GRAMD1C: variants seen among roughly 807,000 people sequenced by gnomAD.
GRAMD1C encodes GRAM domain containing 1C.
A neutral mutation model predicts 97.8 loss-of-function variants in GRAMD1C; 89 were observed. The ratio of observed to expected loss-of-function variants is 0.91; its 90% confidence interval spans 0.77 to 1.09. GRAMD1C has a LOEUF of 1.09. GRAMD1C is among the 50% of genes least tolerant of loss of function. The probability of loss-of-function intolerance (pLI) is 0.00; values close to 1 mark genes in which losing one functional copy is unlikely to be tolerated. For synonymous variants in GRAMD1C, 256 were observed against 267.0 expected, an observed-to-expected ratio of 0.96 and a Z score of 0.40; for missense variants, 740 against 766.4, an observed-to-expected ratio of 0.97 and a Z score of 0.41.
At chr3:113,879,033 C>T (rs578027057) in intron 5 of GRAMD1C, among the ~76,000 whole-genome samples, 3 of 152,074 alleles carry the variant, frequency 2.0e-5, no homozygotes, top group East Asian at 1.9e-4. Context: ...GGTGAAACCC[C>T]GTCTCTACTA....
chr3:113,888,001 G>A (rs962616381), intron 6 of GRAMD1C, among the ~76,000 whole-genome samples: 1 of 152,054 alleles, frequency 6.6e-6, no homozygotes, highest in Non-Finnish European at 1.5e-5. Flanking sequence ...TAATGATAAA[G>A]AACCTACCAC....
chr3:113,886,081 G>C, intron 6 of GRAMD1C: 1 of 1,475,466 alleles, frequency 6.8e-7, no homozygotes, highest in South Asian at 1.2e-5. Context: ...GGGGGGAAAG[G>C]GATGGCGAGC....
At chr3:113,856,406 G>A (rs909153771) in intron 2 of GRAMD1C, among the ~76,000 whole-genome samples, 9 of 152,028 alleles carry the variant, frequency 5.9e-5, no homozygotes, top group African/African-American at 2.2e-4. Context: ...AATCAAGATC[G>A]TTTTCATCAC....
intron 5 of GRAMD1C, among the ~76,000 whole-genome samples, chr3:113,881,574 G>T (rs931701979): frequency 6.6e-6 from 1 of 152,232 alleles, no homozygotes; most frequent in Non-Finnish European, 1.5e-5. Flanking sequence ...TGGGAATGTG[G>T]TGGTTGTGCG....
chr3:113,850,077 C>T (rs1343363592), intron 2 of GRAMD1C, among the ~76,000 whole-genome samples: 1 of 152,170 alleles, frequency 6.6e-6, no homozygotes, highest in Admixed American at 6.5e-5. Flanking sequence ...GGCTGAACCC[C>T]CAACTCCCTC....
chr3:113,915,953 G>C (rs1357621578), intron 10 of GRAMD1C, 115 bp downstream of exon 10: 4 of 801,132 alleles, frequency 5.0e-6, no homozygotes, highest in Admixed American at 2.6e-5. Flanking sequence ...GACATGCTTT[G>C]CTTTTATGTT....
intron 4 of GRAMD1C, 149 bp from the exon 5 acceptor site, chr3:113,876,016 C>T (rs558636506): frequency 1.2e-4 from 70 of 585,002 alleles, no homozygotes; most frequent in African/African-American, 4.9e-4. Context: ...AGAATACAAG[C>T]GTGTACTTAT....
intron 5 of GRAMD1C, among the ~76,000 whole-genome samples, chr3:113,880,469 A>G (rs940037495): frequency 4.6e-5 from 7 of 152,234 alleles, no homozygotes; most frequent in Non-Finnish European, 8.8e-5. Flanking sequence ...GCACGTGTAG[A>G]TAGACCCACC....
chr3:113,912,973 A>G, intron 9 of GRAMD1C: 1 of 276,734 alleles, frequency 3.6e-6, no homozygotes, highest in Non-Finnish European at 6.9e-6. Flanking sequence ...TTAAAATTGT[A>G]AGATCCTTGC....
intron 2 of GRAMD1C, 34 bp from the exon 3 acceptor site, chr3:113,869,473 A>G: frequency 2.0e-6 from 2 of 998,310 alleles, no homozygotes; most frequent in African/African-American, 1.6e-5. Context: ...TATAATTACA[A>G]TTAGACAGAA....
rs1353400753 is a variant in GRAMD1C, at chr3:113,939,887, G to A, written c.1693G>A (p.Val565Met). 1 of 1,528,386 alleles carries A rather than the reference G, an allele frequency of 6.5e-7. No homozygotes were observed. The highest frequency in any genetic ancestry group is 9.1e-7 in the Non-Finnish European group (1 of 1,101,710). The allele number at this position is 1,528,386 out of a possible 1,614,324, so 94.7% of individuals were successfully genotyped here. A position where few individuals can be genotyped will look rare whatever the true frequency, so the allele number is the denominator to read the frequency against. Residue 565 changes from valine to methionine, a missense_variant and splice_region_variant, in exon 16 of 18, where the codon GTG (valine) becomes ATG (methionine). Coordinates refer to ENST00000358160, the MANE Select transcript of GRAMD1C (RefSeq NM_017577.5). Reference sequence around the variant, plus strand: ...TAACATATAATTTGCTCTGCCTAGTGTGTTGTTATTAGTTTTGTTGAATGT... The same window carrying A: ...TAACATATAATTTGCTCTGCCTAGTATGTTGTTATTAGTTTTGTTGAATGT... ...VTLIVVMSIFVLLLVLLNVTL... is the reference protein window; with the variant it reads ...VTLIVVMSIFMLLLVLLNVTL...
intron 2 of GRAMD1C, among the ~76,000 whole-genome samples, chr3:113,867,617 T>C (rs1230032022): frequency 6.6e-6 from 1 of 152,176 alleles, no homozygotes; most frequent in Admixed American, 6.6e-5. Flanking sequence ...TAGTATTTCT[T>C]GTAAAGCAGG....
At chr3:113,887,531 T>G (rs551028055) in intron 6 of GRAMD1C, among the ~76,000 whole-genome samples, 4 of 151,708 alleles carry the variant, frequency 2.6e-5, no homozygotes, top group Admixed American at 2.6e-4. Context: ...AAACCCCGTC[T>G]CTACTAAAAA....
rs1435755128 is a variant in GRAMD1C, at chr3:113,936,330, T to C, written c.1521T>C (p.Thr507=). Residue 507 remains threonine, a synonymous_variant, in exon 14 of 18, where the codon ACT becomes ACC. Transcript: ENST00000358160. ...NQAIEDPGKL[T]GLRRRRRTFN... ...CCATTGAAGACCCTGGAAAACTTACTGGCCTACGAAGGAGAAGGCGAACCT... is the reference window on the plus strand; with the variant it reads ...CCATTGAAGACCCTGGAAAACTTACCGGCCTACGAAGGAGAAGGCGAACCT... 1.9e-5 allele frequency: 30 copies of C among 1,611,076 alleles called. No homozygotes were observed. Among genetic ancestry groups the C allele is most frequent in the Non-Finnish European group, 2.4e-5 (28 of 1,177,288 alleles).
intron 2 of GRAMD1C, among the ~76,000 whole-genome samples, chr3:113,857,022 A>G (rs1934159379): frequency 6.6e-6 from 1 of 151,870 alleles, no homozygotes; most frequent in Non-Finnish European, 1.5e-5. Flanking sequence ...TATTTTTAGT[A>G]GAGATGGGGT....
chr3:113,897,181 C>T (rs576390291), intron 6 of GRAMD1C, among the ~76,000 whole-genome samples: 6 of 152,204 alleles, frequency 3.9e-5, no homozygotes, highest in African/African-American at 1.2e-4. Flanking sequence ...GATAGGAATA[C>T]TACGTCAGTA....
chr3:113,902,100 AT>A (rs1936194050), intron 7 of GRAMD1C, among the ~76,000 whole-genome samples: 1 of 152,190 alleles, frequency 6.6e-6, no homozygotes, highest in Non-Finnish European at 1.5e-5. Context: ...CATGAAGTGA[AT>A]TTTGTGGTGT....
At chr3:113,876,325 C>T (rs1935032073) in intron 5 of GRAMD1C, 65 bp downstream of exon 5, 1 of 800,356 alleles carries the variant, frequency 1.2e-6, no homozygotes, top group Admixed American at 2.1e-5. Flanking sequence ...TACTCATCAT[C>T]AATGTTGGGA....
At chr3:113,886,842 C>CCTGATCT (rs969518832) in intron 6 of GRAMD1C, among the ~76,000 whole-genome samples, 1 of 123,402 alleles carries the variant, frequency 8.1e-6, no homozygotes, top group African/African-American at 3.1e-5. Flanking sequence ...AGTGCTGTGG[C>CCTGATCT]CTGATCTCGG....
Sources: gnomAD v4.1 joint callset for allele counts (sites outside exome capture counted in the v4.1 genomes callset) on GRCh38, gnomAD v4.1.1 for gene constraint, MANE v1.5 for transcripts, NCBI Gene and HGNC (gene_info 2026-07-23, HGNC 2026-07-21) for gene names.